MBD5: variants seen among roughly 807,000 people sequenced by gnomAD.
MBD5 encodes methyl-CpG-binding domain protein 5.
In MBD5, 13 loss-of-function variants were observed where a neutral mutation model predicts 117.3. The observed-to-expected ratio is 0.11, with a 90% confidence interval of 0.07 to 0.18. The LOEUF (loss-of-function observed/expected upper bound fraction) is 0.18. Among genes scored for constraint, MBD5 ranks in the 10% least tolerant of loss-of-function variants. The pLI, the probability that MBD5 is intolerant of heterozygous loss-of-function variation, is 1.00. For missense variants in MBD5, 1,879 were observed against 2,093.8 expected (o/e 0.90, Z 2.00); for synonymous variants, 727 against 766.4 (o/e 0.95, Z 0.85).
intron 4 of MBD5, among the ~76,000 whole-genome samples, chr2:148,352,252 T>C (rs938953858): frequency 6.6e-6 from 1 of 152,080 alleles, no homozygotes; most frequent in Non-Finnish European, 1.5e-5. Flanking sequence ...TTGCCACCAA[T>C]GGAGAACAAT....
chr2:148,075,636 CT>C (rs1249441299), intron 1 of MBD5, among the ~76,000 whole-genome samples: 714 of 139,758 alleles, frequency 5.1e-3, no homozygotes, highest in African/African-American at 9.2e-3. Flanking sequence ...TCTTGTGGGT[CT>C]TTTTTTTTTT....
intron 3 of MBD5, among the ~76,000 whole-genome samples, chr2:148,294,509 T>TTTTTTGTTTTTTTTTTTTTTTTGTTTG (rs750245317): frequency 3.5e-4 from 45 of 129,962 alleles, no homozygotes; most frequent in Non-Finnish European, 4.0e-4. Context: ...CAGTTTTTTT[T>TTTTTTGTTTTTTTTTTTTTTTTGTTTG]TTTTTTTTTT....
rs184797381 is a variant in MBD5 at position 148,213,272 on chromosome 2, G to A, written c.-830-19973G>A. ...GGTAAACCTTAAGATTTTCAAAAAA[G>A]GATGTTATTATTTTTTAGCTACAAA... On this transcript the variant is annotated intron_variant, in intron 2 of 13. Transcript: ENST00000642680. Among the ~76,000 whole-genome samples the A allele has an allele frequency of 5.6e-4, 85 of 152,070 alleles. 1 individual carries two copies. In the East Asian group the frequency reaches 0.015, roughly 27 times the overall value.
intron 4 of MBD5, among the ~76,000 whole-genome samples, chr2:148,359,221 C>T (rs921956235): frequency 6.7e-6 from 1 of 149,252 alleles, no homozygotes; most frequent in Non-Finnish European, 1.5e-5. Context: ...GAGGCATTAT[C>T]ACACCACTGC....
chr2:148,420,781 C>T (rs1354133342), intron 4 of MBD5, among the ~76,000 whole-genome samples: 15 of 152,114 alleles, frequency 9.9e-5, no homozygotes, highest in African/African-American at 3.4e-4. Flanking sequence ...GCTGGGAGTA[C>T]GGTGGTGCTA....
intron 1 of MBD5, among the ~76,000 whole-genome samples, chr2:148,073,588 C>A (rs1695417303): frequency 6.6e-6 from 1 of 152,150 alleles, no homozygotes; most frequent in South Asian, 2.1e-4. Flanking sequence ...ATGACTTCTA[C>A]ATACATACAA....
intron 1 of MBD5, among the ~76,000 whole-genome samples, chr2:148,132,044 A>G (rs531136681): frequency 4.6e-5 from 7 of 152,104 alleles, no homozygotes; most frequent in South Asian, 4.1e-4. Flanking sequence ...TTGAGCTGCA[A>G]TTCTGCTCAT....
chr2:148,219,260 T>G (rs1204288588), intron 2 of MBD5, among the ~76,000 whole-genome samples: 2 of 152,184 alleles, frequency 1.3e-5, no homozygotes, highest in Non-Finnish European at 2.9e-5. Flanking sequence ...CTCCATATCT[T>G]GTCTCACTGG....
chr2:148,127,462 A>G (rs961793605), intron 1 of MBD5, among the ~76,000 whole-genome samples: 2 of 151,970 alleles, frequency 1.3e-5, no homozygotes, highest in African/African-American at 2.4e-5. Flanking sequence ...TTCATCTCCC[A>G]TTTATAAGTG....
chr2:148,283,443 T>A (rs13426081), intron 3 of MBD5, among the ~76,000 whole-genome samples: 1,928 of 152,254 alleles, frequency 0.013, 38 homozygotes, highest in African/African-American at 0.043. Flanking sequence ...AGTATTAGAA[T>A]CCTTTGCTCT....
chr2:148,245,687 G>A (rs1292976315), intron 3 of MBD5, among the ~76,000 whole-genome samples: 1 of 151,974 alleles, frequency 6.6e-6, no homozygotes, highest in East Asian at 1.9e-4. Context: ...CTTTGGGCTG[G>A]TACCTAGGTT....
intron 1 of MBD5, among the ~76,000 whole-genome samples, chr2:148,109,937 A>G (rs752850681): frequency 7.9e-5 from 12 of 152,044 alleles, no homozygotes; most frequent in Non-Finnish European, 1.5e-4. Context: ...GTACTTTTCC[A>G]TGTTTCTTCA....
At chr2:148,252,314 G>A (rs917793511) in intron 3 of MBD5, among the ~76,000 whole-genome samples, 2 of 152,160 alleles carry the variant, frequency 1.3e-5, no homozygotes, top group African/African-American at 4.8e-5. Flanking sequence ...AAAAAAAATA[G>A]CCAGGCATGG....
intron 1 of MBD5, among the ~76,000 whole-genome samples, chr2:148,170,320 A>C (rs1412525645): frequency 6.6e-6 from 1 of 152,354 alleles, no homozygotes. Flanking sequence ...ATTAGTACTA[A>C]GTAATGGCTG....
At chr2:148,510,224 A>G in intron 13 of MBD5, 89 bp downstream of exon 13, 3 of 907,148 alleles carry the variant, frequency 3.3e-6, no homozygotes, top group Non-Finnish European at 5.4e-6. Flanking sequence ...GTATTGTCAA[A>G]CAACTCACAT....
intron 4 of MBD5, among the ~76,000 whole-genome samples, chr2:148,438,001 C>T (rs538041318): frequency 6.6e-6 from 1 of 152,262 alleles, no homozygotes; most frequent in East Asian, 1.9e-4. Flanking sequence ...GAGGAAGTTT[C>T]AACATTTTAT....
In MBD5 at chr2:148,169,997, A is replaced by G. The variant is rs550517608; in HGVS notation, c.-924-8703A>G. Among the ~76,000 whole-genome samples, 1,474 of 151,016 alleles carry G rather than the reference A, an allele frequency of 9.8e-3. 12 individuals are homozygous for G. Among genetic ancestry groups the G allele is most frequent in the Non-Finnish European group, 0.016 (1,094 of 67,886 alleles). The stretch of plus-strand genomic sequence containing the variant: ...ACTGCAAGCTCCGCCTCCCGGGTTC[A>G]CGCCATTCTCCCGCCTCAGCCTCCT... On this transcript the variant is annotated intron_variant, in intron 1 of 13. Transcript: ENST00000642680.
chr2:148,314,810 A>G (rs1702121222), intron 3 of MBD5, among the ~76,000 whole-genome samples: 1 of 152,142 alleles, frequency 6.6e-6, no homozygotes. Flanking sequence ...GCATAACTCT[A>G]AAGTTTCAAG....
At chr2:148,200,685 T>A (rs550099780) in intron 2 of MBD5, among the ~76,000 whole-genome samples, 62 of 141,706 alleles carry the variant, frequency 4.4e-4, no homozygotes, top group African/African-American at 1.5e-3. Flanking sequence ...AGAGCGAGAC[T>A]CTATCTCAAA....
Sources: allele counts gnomAD v4.1 joint callset (sites outside exome capture counted in the v4.1 genomes callset), GRCh38; gene constraint gnomAD v4.1.1; transcripts MANE v1.5; gene names NCBI Gene and HGNC (gene_info 2026-07-23, HGNC 2026-07-21).